ADAM12: variants seen among roughly 807,000 people sequenced by gnomAD.
ADAM12 encodes ADAM metallopeptidase domain 12, also known as disintegrin and metalloproteinase domain-containing protein 12.
ADAM12 carries 70 observed loss-of-function variants against 106.4 expected under a neutral mutation model. The ratio of observed to expected loss-of-function variants is 0.66; its 90% CI spans 0.54 to 0.80. ADAM12 has a LOEUF of 0.80. Ranked by LOEUF, ADAM12 falls within the 30% of genes least tolerant of loss-of-function variation. The pLI, the probability that ADAM12 is intolerant of heterozygous loss-of-function variation, is 0.00. For synonymous variants in ADAM12, 420 were observed against 433.5 expected (o/e 0.97, Z 0.39); for missense variants, 1,010 against 1,171.9 (o/e 0.86, Z 2.02).
Position 126,066,654 on chromosome 10 carries a change from C to T in ADAM12, c.1413+63G>A. On this transcript the variant is annotated intron_variant, in intron 13 of 22. Coordinates refer to ENST00000448723, the MANE Select transcript of ADAM12 (RefSeq NM_001288973.2). This position sits in a 1 kb window ranked among gnomAD's most constrained non-coding sequence, Gnocchi z 5.1. The stretch of plus-strand genomic sequence containing the variant: ...TCCAGCCACACTGCTTGCCCTGCAT[C>T]AGATCTGAACCACCTGAACCTGTTG... The T allele has an allele frequency of 6.7e-6, 10 of 1,502,788 alleles. No individual in the cohort carries two copies. Among genetic ancestry groups the T allele is most frequent in the Non-Finnish European group, 9.3e-6 (10 of 1,079,802 alleles). The allele number at this position is 1,502,788 out of a possible 1,614,324, so 93.1% of individuals were successfully genotyped here. A position where few individuals can be genotyped will look rare whatever the true frequency, so the allele number is the denominator to read the frequency against.
chr10:126,327,490 G>A (rs2133846029), intron 2 of ADAM12, among the ~76,000 whole-genome samples: 1 of 152,178 alleles, frequency 6.6e-6, no homozygotes, highest in African/African-American at 2.4e-5. Flanking sequence ...GGGCACAGTG[G>A]TTCAGCCTAT....
intron 3 of ADAM12, among the ~76,000 whole-genome samples, chr10:126,193,200 G>A (rs1265251480): frequency 6.9e-6 from 1 of 144,356 alleles, no homozygotes; most frequent in African/African-American, 2.7e-5. Context: ...AGAAGGCAGA[G>A]GTTGCAGTGA....
intron 5 of ADAM12, among the ~76,000 whole-genome samples, chr10:126,120,483 C>T (rs1956065182): frequency 6.6e-6 from 1 of 152,112 alleles, no homozygotes; most frequent in African/African-American, 2.4e-5. Flanking sequence ...GCAGAACAGA[C>T]AACGGTTTAT....
chr10:126,045,065 G>T (rs1954278751), intron 17 of ADAM12, among the ~76,000 whole-genome samples: 1 of 152,170 alleles, frequency 6.6e-6, no homozygotes, highest in African/African-American at 2.4e-5. Flanking sequence ...CCCATGTGTG[G>T]ATAAGGCCAA....
In ADAM12 at chr10:126,071,594, C is replaced by T; in HGVS notation, c.1206G>A (p.Glu402=). The change falls in exon 12 of 23, where the codon GAG becomes GAA. Residue 402 remains glutamate (E), a synonymous_variant. Coordinates refer to ENST00000448723, the MANE Select transcript of ADAM12 (RefSeq NM_001288973.2). ...CSRKDLETSL[E]KGMGVCLFNL... is the part of the protein sequence containing the mutation. ...TAAACAGGCACACCCCCATTCCTTT[C>T]TCCAGGCTGGTCTCCAAGTCCTTCC... 6.2e-7 allele frequency: 1 copy of T among 1,614,172 alleles called. No homozygotes were observed. Among genetic ancestry groups the T allele is most frequent in the South Asian group, 1.1e-5 (1 of 91,078 alleles).
At position 126,188,460 on chromosome 10, in the gene ADAM12, T is replaced by C. The variant is rs557895194; in HGVS notation, c.261-33155A>G. ...AGTGGGGCACCTGCAGAATGGTCCA[T>C]CTGTTTTTTTCCTTCAGGGTTACTT... On this transcript the variant is annotated intron_variant, in intron 3 of 22. Coordinates refer to ENST00000448723, the MANE Select transcript of ADAM12 (RefSeq NM_001288973.2). 2.1e-4 allele frequency among the ~76,000 whole-genome samples: 32 copies of C among 152,322 alleles called. 1 individual carries two copies. In the South Asian group the frequency reaches 6.6e-3, roughly 32 times the overall value.
intron 4 of ADAM12, among the ~76,000 whole-genome samples, chr10:126,143,226 GTGTC>G (rs1303190162): frequency 2.0e-5 from 3 of 151,356 alleles, no homozygotes; most frequent in East Asian, 1.9e-4. Flanking sequence ...GTGCATGTGT[GTGTC>G]TGTGTGGATG....
chr10:126,264,528 T>G (rs11244922), intron 3 of ADAM12, among the ~76,000 whole-genome samples: 63,782 of 151,998 alleles, frequency 0.42, 14,497 homozygotes, highest in Non-Finnish European at 0.52. Context: ...CATCCCACAG[T>G]GAAATCCACC....
intron 12 of ADAM12, among the ~76,000 whole-genome samples, chr10:126,068,776 C>T (rs1294722218): frequency 6.6e-6 from 1 of 152,100 alleles, no homozygotes; most frequent in African/African-American, 2.4e-5. Flanking sequence ...TCCAACAGAG[C>T]CAATGAATAC....
At chr10:126,256,749 A>T (rs1958899626) in intron 3 of ADAM12, among the ~76,000 whole-genome samples, 1 of 152,210 alleles carries the variant, frequency 6.6e-6, no homozygotes, top group Non-Finnish European at 1.5e-5. Context: ...GCTTCAAAAG[A>T]ATGGAGACAG....
chr10:126,205,605 G>C (rs554364927), intron 3 of ADAM12, among the ~76,000 whole-genome samples: 3 of 152,210 alleles, frequency 2.0e-5, no homozygotes, highest in Non-Finnish European at 1.5e-5. Context: ...AAAGGGACAG[G>C]CTTCCACAGG....
chr10:126,264,878 C>A (rs1432107874), intron 3 of ADAM12, among the ~76,000 whole-genome samples: 2 of 152,180 alleles, frequency 1.3e-5, no homozygotes, highest in African/African-American at 2.4e-5. Flanking sequence ...CCAGCATCTA[C>A]CTCCGTGCCA....
chr10:126,220,238 A>G (rs1958065014), intron 3 of ADAM12, among the ~76,000 whole-genome samples: 1 of 152,222 alleles, frequency 6.6e-6, no homozygotes, highest in Non-Finnish European at 1.5e-5. Context: ...CACGATAACA[A>G]TAGTGACGGT....
intron 2 of ADAM12, among the ~76,000 whole-genome samples, chr10:126,285,878 A>G (rs1428647489): frequency 6.6e-6 from 1 of 152,070 alleles, no homozygotes; most frequent in East Asian, 1.9e-4. Flanking sequence ...GAGGTTTCCC[A>G]CAATGCACTT....
chr10:126,040,052 G>A (rs1010349356), intron 18 of ADAM12, among the ~76,000 whole-genome samples: 7 of 152,164 alleles, frequency 4.6e-5, no homozygotes, highest in African/African-American at 1.7e-4. Context: ...CTGGGAGGAA[G>A]CTATTTTCTC....
At chr10:126,086,937 G>C (rs541439437) in intron 11 of ADAM12, among the ~76,000 whole-genome samples, 11 of 151,656 alleles carry the variant, frequency 7.3e-5, no homozygotes, top group Admixed American at 5.9e-4. Context: ...GGAGGCTGAG[G>C]CAGGAGAATT....
At position 126,066,578 on chromosome 10, in the gene ADAM12, C is replaced by T. The variant is rs893177956; in HGVS notation, c.1413+139G>A. ...AACAGTAAGAGGTGGGTAACACCAA[C>T]TGGCGTGAGAAGGAGGGATGGTGCG... On this transcript the variant is annotated intron_variant, in intron 13 of 22. Coordinates refer to ENST00000448723, the MANE Select transcript of ADAM12 (RefSeq NM_001288973.2). The surrounding 1 kb of genome is among the most constrained non-coding windows in gnomAD (Gnocchi z 5.1). The T allele has an allele frequency of 5.9e-5, 44 of 741,360 alleles. No individual in the cohort carries two copies. In the Admixed American group the frequency reaches 9.6e-4, roughly 16 times the overall value. The allele number at this position is 741,360 out of a possible 1,614,324, so 45.9% of individuals were successfully genotyped here.
chr10:126,377,397 G>C (rs1266798818), intron 1 of ADAM12, among the ~76,000 whole-genome samples: 1 of 152,214 alleles, frequency 6.6e-6, no homozygotes, highest in Admixed American at 6.5e-5. Context: ...CGATGTTCAA[G>C]GGAAAGAAGC....
At chr10:126,305,162 A>G (rs1960790969) in intron 2 of ADAM12, among the ~76,000 whole-genome samples, 1 of 152,078 alleles carries the variant, frequency 6.6e-6, no homozygotes, top group African/African-American at 2.4e-5. Flanking sequence ...TGACTTACAC[A>G]GAGTTAATTA....
Sources: gnomAD v4.1 joint callset for allele counts (sites outside exome capture counted in the v4.1 genomes callset) on GRCh38, gnomAD v4.1.1 for gene constraint, Gnocchi (gnomAD v3.1) non-coding constraint, MANE v1.5 for transcripts, NCBI Gene and HGNC (gene_info 2026-07-23, HGNC 2026-07-21) for gene names.